POTEC: variants seen among roughly 807,000 people sequenced by gnomAD.
POTEC encodes the protein ANKRD26-like family B member 2.
POTEC carries 35 observed loss-of-function variants against 62.0 expected under a neutral mutation model. That is an observed-to-expected ratio of 0.56 (90% CI 0.43 to 0.75). The LOEUF is 0.75. Ranked by LOEUF, POTEC falls within the 30% of genes least tolerant of loss-of-function variation. The pLI is 0.00. For missense variants in POTEC, 472 were observed against 655.9 expected (o/e 0.72, Z 3.06); for synonymous variants, 156 against 221.5 (o/e 0.70, Z 2.62).
At chr18:14,539,487 TCTC>T (rs1905861799) in intron 1 of POTEC, among the ~76,000 whole-genome samples, 1 of 142,782 alleles carries the variant, frequency 7.0e-6, no homozygotes, top group Non-Finnish European at 1.5e-5. Flanking sequence ...GTCTGTGTGT[TCTC>T]CTCATTTAGC....
At chr18:14,539,259 T>C (rs1183196887) in intron 1 of POTEC, among the ~76,000 whole-genome samples, 107 of 152,092 alleles carry the variant, frequency 7.0e-4, no homozygotes, top group African/African-American at 2.5e-3. Context: ...TATGAAACTA[T>C]TTGTGGAGCT....
chr18:14,520,392 A>G (rs1439238271), intron 9 of POTEC, among the ~76,000 whole-genome samples: 1 of 151,216 alleles, frequency 6.6e-6, no homozygotes, highest in East Asian at 1.9e-4. Flanking sequence ...ATAAAGACCA[A>G]GAAAAACTAA....
intron 6 of POTEC, among the ~76,000 whole-genome samples, chr18:14,525,290 G>C (rs1422305059): frequency 6.6e-6 from 1 of 152,032 alleles, no homozygotes; most frequent in Non-Finnish European, 1.5e-5. Context: ...CTTCCTAATA[G>C]TGAAGCAGGA....
In POTEC at chr18:14,542,694, C is replaced by T. The variant is rs371316587; in HGVS notation, c.453G>A (p.Lys151=). 6.2e-7 allele frequency: 1 copy of T among 1,613,048 alleles called. No individual in the cohort carries two copies. The highest frequency in any genetic ancestry group is 1.7e-5 in the Admixed American group (1 of 60,012). ...DKLHRAAWWG[K]VPRKDLIVML... ...TGACGATGAGATCCTTTCTGGGGAC[C>T]TTACCCCACCAGGCAGCTCTGTGGA... Residue 151 remains lysine, a synonymous_variant, in exon 1 of 11, where the codon AAG becomes AAA. Coordinates refer to ENST00000358970, the MANE Select transcript of POTEC (RefSeq NM_001137671.2).
chr18:14,537,417 G>A (rs1413870918), intron 3 of POTEC, among the ~76,000 whole-genome samples: 1 of 151,176 alleles, frequency 6.6e-6, no homozygotes, highest in Non-Finnish European at 1.5e-5. Context: ...CAAAGTAGCA[G>A]GATTACTATT....
At position 14,543,545 on chromosome 18, in the gene POTEC, G is replaced by A. The variant is rs889648065; in HGVS notation, c.-399C>T. 2.2e-3 allele frequency: 787 copies of A among 349,808 alleles called. 9 individuals carry two copies. The highest frequency in any genetic ancestry group is 8.9e-4 in the Non-Finnish European group (168 of 189,582). 21.7% of individuals were successfully genotyped at this position (349,808 alleles called of 1,614,324 possible). A position where few individuals can be genotyped will look rare whatever the true frequency, so the allele number is the denominator to read the frequency against. ...CGCCAAGCCAAGCTAGGAACGCAAGGCCAAGCGAGGAACGCAAAGCGAAGC... is the reference window on the plus strand; with the variant it reads ...CGCCAAGCCAAGCTAGGAACGCAAGACCAAGCGAGGAACGCAAAGCGAAGC... On this transcript the variant is annotated 5_prime_UTR_variant, in exon 1 of 11. Coordinates refer to ENST00000358970, the MANE Select transcript of POTEC (RefSeq NM_001137671.2).
rs189680965 is a variant in POTEC at position 14,539,725 on chromosome 18, A to G, written c.522-1476T>C. Among the ~76,000 whole-genome samples the G allele has an allele frequency of 2.5e-3, 379 of 152,044 alleles. 2 individuals are homozygous for G. The highest frequency in any genetic ancestry group is 8.7e-3 in the African/African-American group (361 of 41,464). On this transcript the variant is annotated intron_variant, in intron 1 of 10. Coordinates refer to ENST00000358970, the MANE Select transcript of POTEC (RefSeq NM_001137671.2). The stretch of plus-strand genomic sequence containing the variant: ...TTATACATTTTCAAAAGGGCAGTTA[A>G]GGGTTATCTTTCACTATTTTCCACC...
chr18:14,513,212 C>T (rs956168735), intron 10 of POTEC, among the ~76,000 whole-genome samples: 1 of 151,998 alleles, frequency 6.6e-6, no homozygotes, highest in Non-Finnish European at 1.5e-5. Context: ...ATGACATCCA[C>T]AATGTGGCCT....
chr18:14,531,987 A>G (rs1425218494), intron 5 of POTEC, among the ~76,000 whole-genome samples: 3 of 151,278 alleles, frequency 2.0e-5, no homozygotes, highest in Non-Finnish European at 4.4e-5. Context: ...TGTAAATCAG[A>G]TCACTCAAGG....
In POTEC at chr18:14,537,877, T is replaced by C; in HGVS notation, c.734A>G (p.Tyr245Cys). The C allele has an allele frequency of 8.7e-6, 14 of 1,612,338 alleles. No individual in the cohort carries two copies. Among genetic ancestry groups the C allele is most frequent in the Non-Finnish European group, 1.1e-5 (13 of 1,179,774 alleles). ...PDEYGNTTLH[Y>C]AVHNEDKLMA... ...TAATTTATCTTCATTGTGGACAGCA[T>C]AGTGTAGAGTGGTATTTCCATACTC... The change falls in exon 3 of 11, where the codon TAT becomes TGT. Residue 245 changes from tyrosine to cysteine, a missense_variant. Tyr to Cys is a radical substitution (Grantham distance 194). Transcript: ENST00000358970.
chr18:14,515,392 G>T (rs1228781814), intron 9 of POTEC, among the ~76,000 whole-genome samples: 1 of 151,970 alleles, frequency 6.6e-6, no homozygotes, highest in Non-Finnish European at 1.5e-5. Flanking sequence ...CAGAAAAAAG[G>T]CCACTTACAA....
chr18:14,524,311 G>A (rs1362252867), intron 7 of POTEC, among the ~76,000 whole-genome samples: 7 of 152,242 alleles, frequency 4.6e-5, no homozygotes, highest in Admixed American at 3.3e-4. Context: ...TCCTCCCTGA[G>A]CAGAAATGCT....
chr18:14,537,990 C>G lies in POTEC; in HGVS notation c.637-16G>C. On this transcript the variant is annotated splice_polypyrimidine_tract_variant and intron_variant, in intron 2 of 10. Coordinates refer to ENST00000358970, the MANE Select transcript of POTEC (RefSeq NM_001137671.2). ...ATTGTACGGCCTGTCAGTATTAGAC[C>G]AAAAACAAATTATTAAGTCCTAGGA... The G allele has an allele frequency of 1.9e-6, 3 of 1,599,858 alleles. No individual in the cohort carries two copies. Among genetic ancestry groups the G allele is most frequent in the South Asian group, 1.1e-5 (1 of 89,680 alleles).
chr18:14,524,448 C>A (rs1414496016), intron 7 of POTEC, among the ~76,000 whole-genome samples: 1 of 152,092 alleles, frequency 6.6e-6, no homozygotes, highest in Admixed American at 6.6e-5. Flanking sequence ...AGCTCAGGGA[C>A]CTTCAGTGTT....
intron 10 of POTEC, among the ~76,000 whole-genome samples, chr18:14,513,393 C>T (rs1468315067): frequency 1.3e-5 from 2 of 152,062 alleles, no homozygotes; most frequent in Admixed American, 6.6e-5. Context: ...ATATCAAATG[C>T]TTTTCCTTTG....
chr18:14,523,643 T>G (rs1243860314), intron 7 of POTEC, 136 bp from the exon 8 acceptor site: 16 of 335,948 alleles, frequency 4.8e-5, no homozygotes, highest in Non-Finnish European at 6.6e-5. Context: ...TAAAATAAAA[T>G]TTAACTGTTA....
chr18:14,537,211 A>ACAC (rs1555624120), intron 3 of POTEC, among the ~76,000 whole-genome samples: 26 of 49,032 alleles, frequency 5.3e-4, no homozygotes, highest in East Asian at 4.7e-3. Flanking sequence ...ACACACACAC[A>ACAC]AAAAAAAAAA....
chr18:14,534,221 A>G (rs1275616473), intron 4 of POTEC, among the ~76,000 whole-genome samples: 1 of 150,556 alleles, frequency 6.6e-6, no homozygotes, highest in Non-Finnish European at 1.5e-5. Flanking sequence ...GATGATTTCC[A>G]ATTTCATCTT....
intron 9 of POTEC, among the ~76,000 whole-genome samples, chr18:14,517,340 C>T (rs1308733366): frequency 2.0e-5 from 3 of 152,190 alleles, no homozygotes; most frequent in African/African-American, 7.2e-5. Context: ...ATGACCACTG[C>T]TCTTGCTCAC....
Sources: gnomAD v4.1 joint callset for allele counts (sites outside exome capture counted in the v4.1 genomes callset) on GRCh38, gnomAD v4.1.1 for gene constraint, MANE v1.5 for transcripts, NCBI Gene and HGNC (gene_info 2026-07-23, HGNC 2026-07-21) for gene names.